Variants in PRKCE observed in about 807,000 individuals in gnomAD.
PRKCE encodes protein kinase C epsilon type.
Under a neutral mutation model 85.4 loss-of-function variants are expected in PRKCE, and 16 were observed. The observed-to-expected ratio is 0.19, with a 90% CI of 0.13 to 0.28. The LOEUF is 0.28. Ranked by LOEUF, PRKCE falls within the 10% of genes least tolerant of loss-of-function variation. PRKCE has a pLI of 1.00. For synonymous variants in PRKCE, 388 were observed against 371.5 expected, an observed-to-expected ratio of 1.04 and a Z score of -0.51; for missense variants, 573 against 975.2, an observed-to-expected ratio of 0.59 and a Z score of 5.49.
intron 11 of PRKCE, among the ~76,000 whole-genome samples, chr2:46,121,068 A>G (rs1558476650): frequency 6.6e-6 from 1 of 152,208 alleles, no homozygotes; most frequent in Non-Finnish European, 1.5e-5. Flanking sequence ...GACTACTTGG[A>G]TTCATTCCCA....
chr2:45,683,963 A>G (rs1677093520), intron 1 of PRKCE, among the ~76,000 whole-genome samples: 1 of 152,208 alleles, frequency 6.6e-6, no homozygotes, highest in Non-Finnish European at 1.5e-5. Flanking sequence ...CCATCAACCC[A>G]GGGACTTATT....
At chr2:46,034,698 G>T (rs530592265) in intron 10 of PRKCE, among the ~76,000 whole-genome samples, 2 of 152,204 alleles carry the variant, frequency 1.3e-5, no homozygotes, top group South Asian at 2.1e-4. Context: ...CCAGGGCGGG[G>T]ATCCTGTCTG....
chr2:45,833,071 A>T (rs1334814794), intron 1 of PRKCE, among the ~76,000 whole-genome samples: 5 of 150,988 alleles, frequency 3.3e-5, no homozygotes, highest in African/African-American at 7.3e-5. Context: ...TAATCCCAGC[A>T]CTTTGGGAGG....
intron 10 of PRKCE, among the ~76,000 whole-genome samples, chr2:46,046,960 C>T (rs763227527): frequency 2.0e-4 from 31 of 152,298 alleles, no homozygotes; most frequent in South Asian, 6.2e-4. Context: ...TCTCATCATG[C>T]ACAGGAGGAC....
intron 11 of PRKCE, among the ~76,000 whole-genome samples, chr2:46,113,984 TC>T (rs1459879239): frequency 6.6e-6 from 1 of 152,222 alleles, no homozygotes; most frequent in Non-Finnish European, 1.5e-5. Context: ...TTCATTATTT[TC>T]CTCTTATATT....
At chr2:45,972,468 T>C (rs1467233414) in intron 2 of PRKCE, among the ~76,000 whole-genome samples, 1 of 152,250 alleles carries the variant, frequency 6.6e-6, no homozygotes, top group African/African-American at 2.4e-5. Flanking sequence ...CTTTTTAGTT[T>C]GATGTAGTCC....
chr2:45,657,894 G>T (rs1213545300), intron 1 of PRKCE, among the ~76,000 whole-genome samples: 1 of 152,210 alleles, frequency 6.6e-6, no homozygotes, highest in African/African-American at 2.4e-5. Flanking sequence ...CCAGGGCACA[G>T]CCTCTAGCAG....
At chr2:45,747,557 C>T (rs144659852) in intron 1 of PRKCE, among the ~76,000 whole-genome samples, 1 of 152,270 alleles carries the variant, frequency 6.6e-6, no homozygotes, top group Non-Finnish European at 1.5e-5. Context: ...TTTTTTAAGG[C>T]TGAGTAATAT....
chr2:45,828,889 G>A (rs1253921967), intron 1 of PRKCE, among the ~76,000 whole-genome samples: 1 of 152,026 alleles, frequency 6.6e-6, no homozygotes, highest in African/African-American at 2.4e-5. Flanking sequence ...TTTTTCTTTA[G>A]CATATGTACC....
rs533080802 is a variant in PRKCE, at chr2:45,931,768, G to A, written c.413-44661G>A. On this transcript the variant is annotated intron_variant, in intron 2 of 14. Transcript: ENST00000306156. ...GCCACCCAGGCTGGAGTGCAGTGGCGCGATTTCGGCTCACTGCAGCCTTCG... is the reference window on the plus strand; with the variant it reads ...GCCACCCAGGCTGGAGTGCAGTGGCACGATTTCGGCTCACTGCAGCCTTCG... Among the ~76,000 whole-genome samples, 15 of 152,146 alleles carry A rather than the reference G, an allele frequency of 9.9e-5. 1 individual carries two copies. The highest frequency in any genetic ancestry group is 4.2e-4 in the South Asian group (2 of 4,816).
chr2:45,952,504 A>G (rs1700693442), intron 2 of PRKCE, among the ~76,000 whole-genome samples: 1 of 152,234 alleles, frequency 6.6e-6, no homozygotes, highest in Non-Finnish European at 1.5e-5. Flanking sequence ...AAAATACTTC[A>G]GGCTCCCTTG....
At chr2:46,140,471 T>G (rs1352604849) in intron 11 of PRKCE, among the ~76,000 whole-genome samples, 2 of 152,222 alleles carry the variant, frequency 1.3e-5, no homozygotes, top group Admixed American at 6.5e-5. Flanking sequence ...ACTTACTAAG[T>G]TTCTGAAAAC....
At chr2:45,926,502 T>C (rs558489157) in intron 2 of PRKCE, among the ~76,000 whole-genome samples, 6 of 152,312 alleles carry the variant, frequency 3.9e-5, no homozygotes, top group African/African-American at 1.4e-4. Flanking sequence ...ATGTTGCCCT[T>C]AACGTAGTAC....
At chr2:45,967,841 C>T (rs1644423162) in intron 2 of PRKCE, among the ~76,000 whole-genome samples, 2 of 152,018 alleles carry the variant, frequency 1.3e-5, no homozygotes, top group African/African-American at 4.8e-5. Flanking sequence ...ATGACTTGTT[C>T]AAGGATATGA....
At chr2:45,968,051 C>G (rs1003303871) in intron 2 of PRKCE, among the ~76,000 whole-genome samples, 2 of 152,080 alleles carry the variant, frequency 1.3e-5, no homozygotes, top group Admixed American at 6.6e-5. Context: ...ACAGTGGTGC[C>G]CCAAGATCAT....
intron 1 of PRKCE, among the ~76,000 whole-genome samples, chr2:45,659,352 T>C (rs1339607412): frequency 6.6e-6 from 1 of 152,226 alleles, no homozygotes; most frequent in East Asian, 1.9e-4. Context: ...CTGCTCTTTC[T>C]GCCTTCAAAA....
At chr2:46,034,473 A>G (rs909245267) in intron 10 of PRKCE, among the ~76,000 whole-genome samples, 1 of 151,876 alleles carries the variant, frequency 6.6e-6, no homozygotes, top group Non-Finnish European at 1.5e-5. Context: ...TTCCATTCCA[A>G]CTCCTAATTT....
rs1263915740 is a variant in PRKCE, at chr2:45,703,565, AG to A, written c.348+51118del. ...AAAAAAAAAGAATAAAGAAAAGAAA[AG>A]AAAAAAAAAGGAAGCTCATTGACGG... On this transcript the variant is annotated intron_variant, in intron 1 of 14. Transcript: ENST00000306156. Among the ~76,000 whole-genome samples, 122 of 152,022 alleles carry A rather than the reference AG, an allele frequency of 8.0e-4. No homozygotes were observed. The South Asian group carries it at 0.023, about 29-fold the overall frequency.
At chr2:45,843,517 A>T (rs1368407987) in intron 2 of PRKCE, among the ~76,000 whole-genome samples, 1 of 152,242 alleles carries the variant, frequency 6.6e-6, no homozygotes, top group Non-Finnish European at 1.5e-5. Context: ...TACACAGACA[A>T]AAGCTCTGCT....
Sources: allele counts gnomAD v4.1 joint callset (sites outside exome capture counted in the v4.1 genomes callset), GRCh38; gene constraint gnomAD v4.1.1; transcripts MANE v1.5; gene names NCBI Gene and HGNC (gene_info 2026-07-23, HGNC 2026-07-21).